Variants in PAFAH1B2 observed in about 807,000 individuals in gnomAD.
The protein encoded by PAFAH1B2 is platelet activating factor acetylhydrolase 1b catalytic subunit 2.
In PAFAH1B2, 8 loss-of-function variants were observed where a neutral mutation model predicts 28.0. The ratio of observed to expected loss-of-function variants is 0.29; its 90% CI spans 0.17 to 0.52. The LOEUF (loss-of-function observed/expected upper bound fraction) is 0.52, where lower values mean the gene tolerates loss of function less well. Ranked by LOEUF, PAFAH1B2 falls within the 20% of genes least tolerant of loss-of-function variation. PAFAH1B2 has a pLI of 0.97. For missense variants in PAFAH1B2, 190 were observed against 282.6 expected (o/e 0.67, Z 2.35); for synonymous variants, 104 against 103.2 (o/e 1.01, Z -0.05).
At chr11:117,159,596 A>T (rs746518184) in intron 2 of PAFAH1B2, 1 of 210,338 alleles carries the variant, frequency 4.8e-6, no homozygotes, top group South Asian at 1.3e-4. Flanking sequence ...TTAGCCAGGC[A>T]TGGTGGCATG....
rs1195104718 is a variant in PAFAH1B2 at position 117,169,386 on chromosome 11, TG to T, written c.*1690del. 214 of 1,051,614 alleles carry T rather than the reference TG, an allele frequency of 2.0e-4. No homozygotes were observed. Among genetic ancestry groups the T allele is most frequent in the Non-Finnish European group, 2.4e-4 (208 of 870,794 alleles). The allele number at this position is 1,051,614 out of a possible 1,614,324, so 65.1% of individuals were successfully genotyped here. A position where few individuals can be genotyped will look rare whatever the true frequency, so the allele number is the denominator to read the frequency against. On this transcript the variant is annotated 3_prime_UTR_variant, in exon 6 of 6. Coordinates refer to ENST00000527958, the MANE Select transcript of PAFAH1B2 (RefSeq NM_002572.4). ...TATAGATATTTTGAACTGGACCAGG[TG>T]GGTATTGAAGTAACCCATCAAAATA...
chr11:117,149,391 A>T (rs1470532399), intron 1 of PAFAH1B2, among the ~76,000 whole-genome samples: 1 of 140,178 alleles, frequency 7.1e-6, no homozygotes, highest in Non-Finnish European at 1.5e-5. Flanking sequence ...CTAAAATCTA[A>T]CTTTTTAAAG....
rs945213551 is a variant in PAFAH1B2, at chr11:117,170,272, A to C, written c.*2573A>C. The C allele has an allele frequency of 3.9e-5, 41 of 1,062,660 alleles. No individual in the cohort carries two copies. Among genetic ancestry groups the C allele is most frequent in the Non-Finnish European group, 4.6e-5 (40 of 877,950 alleles). 65.8% of individuals were successfully genotyped at this position (1,062,660 alleles called of 1,614,324 possible). A position where few individuals can be genotyped will look rare whatever the true frequency, so the allele number is the denominator to read the frequency against. On this transcript the variant is annotated 3_prime_UTR_variant, in exon 6 of 6. Coordinates refer to ENST00000527958, the MANE Select transcript of PAFAH1B2 (RefSeq NM_002572.4). ...TAGTTGTCATTGTGATTAAGGGGCC[A>C]ACTTTCCAGGCAGCTAGCAGAGATA...
At chr11:117,164,438 C>CTCAGTACTCCTTTTTTTG (rs1956452933) in intron 5 of PAFAH1B2, among the ~76,000 whole-genome samples, 1 of 151,860 alleles carries the variant, frequency 6.6e-6, no homozygotes, top group Non-Finnish European at 1.5e-5. Context: ...CGTTTGGTGC[C>CTCAGTACTCCTTTTTTTG]TCAGTACTCC....
chr11:117,155,684 GA>G (rs1340272923), intron 2 of PAFAH1B2, among the ~76,000 whole-genome samples: 2 of 151,900 alleles, frequency 1.3e-5, no homozygotes, highest in Admixed American at 6.6e-5. Context: ...TCCAGTGTAG[GA>G]AAAATTATAT....
intron 3 of PAFAH1B2, 70 bp downstream of exon 3, chr11:117,160,093 A>T (rs1956341288): frequency 9.4e-7 from 1 of 1,069,512 alleles, no homozygotes; most frequent in Admixed American, 1.7e-5. Flanking sequence ...ACAGACTTTC[A>T]TTCTGAGCTG....
rs1286815394 is a variant in PAFAH1B2 at position 117,144,403 on chromosome 11, C to T, written c.-23C>T. On this transcript the variant is annotated 5_prime_UTR_variant, in exon 1 of 6. The change creates a new upstream start codon in the 5' untranslated region. Coordinates refer to ENST00000527958, the MANE Select transcript of PAFAH1B2 (RefSeq NM_002572.4). ...ACGCCTCAGCCGCTTGGGGCCCGCA[C>T]GGACCCTCTACTTCAGTGAGTGCAT... 1.7e-5 allele frequency: 7 copies of T among 402,776 alleles called. No individual in the cohort carries two copies. The highest frequency in any genetic ancestry group is 2.6e-5 in the Admixed American group (1 of 38,292). The allele number at this position is 402,776 out of a possible 1,614,324, so 25.0% of individuals were successfully genotyped here. A position where few individuals can be genotyped will look rare whatever the true frequency, so the allele number is the denominator to read the frequency against.
chr11:117,161,207 A>G lies in PAFAH1B2; in HGVS notation c.234A>G (p.Thr78=). 1 of 1,597,430 alleles carries G rather than the reference A, an allele frequency of 6.3e-7. No homozygotes were observed. The highest frequency in any genetic ancestry group is 8.5e-7 in the Non-Finnish European group (1 of 1,176,324). ...ALNFGIGGDT[T]RHVLWRLKNG... ...ATTTTGGAATTGGGGGAGATACAAC[A>G]AGACATGTTTTGTGGAGACTAAAGA... Residue 78 remains threonine, a synonymous_variant, in exon 4 of 6, where the codon ACA becomes ACG. Coordinates refer to ENST00000527958, the MANE Select transcript of PAFAH1B2 (RefSeq NM_002572.4).
rs538814703 is a variant in PAFAH1B2, at chr11:117,165,834, A to AT, written c.412-1569dup. ...GGAGGCCACAACCAGGTCATGTAGG[A>AT]TTTTTTTTTTTTTTTTTTAATTTGA... On this transcript the variant is annotated intron_variant, in intron 5 of 5. Transcript: ENST00000527958. 8.1e-3 allele frequency among the ~76,000 whole-genome samples: 1,129 copies of AT among 139,964 alleles called. 9 individuals are homozygous for AT. The highest frequency in any genetic ancestry group is 0.023 in the African/African-American group (867 of 38,082). 91.8% of individuals were successfully genotyped at this position (139,964 alleles called of 152,430 possible).
rs200897891 is a variant in PAFAH1B2 at position 117,159,987 on chromosome 11, G to A, written c.135G>A (p.Val45=). The change falls in exon 3 of 6, where the codon GTG becomes GTA. Residue 45 remains valine (V), a synonymous_variant. Transcript: ENST00000527958. ...CKDKEPDVLF[V]GDSMVQLMQQ... ...ACAAAGAGCCTGATGTACTGTTCGT[G>A]GGAGACTCCATGGTGCAGTTAATGC... 5.3e-5 allele frequency: 85 copies of A among 1,613,834 alleles called. No individual in the cohort carries two copies. The East Asian group carries it at 1.6e-3, about 31-fold the overall frequency.
Position 117,168,721 on chromosome 11 carries a change from G to A in PAFAH1B2, c.*1022G>A, listed in dbSNP as rs1433799965. The A allele has an allele frequency of 2.9e-6, 3 of 1,052,214 alleles. No homozygotes were observed. Among genetic ancestry groups the A allele is most frequent in the Non-Finnish European group, 2.3e-6 (2 of 869,050 alleles). The allele number at this position is 1,052,214 out of a possible 1,614,324, so 65.2% of individuals were successfully genotyped here. On this transcript the variant is annotated 3_prime_UTR_variant, in exon 6 of 6. Coordinates refer to ENST00000527958, the MANE Select transcript of PAFAH1B2 (RefSeq NM_002572.4). ...CAGAACTCTTGTTTCCCATTCCATA[G>A]CACCTGACATTATTTCAAGTTTTAT...
chr11:117,178,039 A>G (rs947737512), downstream of PAFAH1B2, among the ~76,000 whole-genome samples: 1 of 152,282 alleles, frequency 6.6e-6, no homozygotes, highest in Non-Finnish European at 1.5e-5. Context: ...TGTGCTTCCT[A>G]TTTCCTTAGG....
At chr11:117,158,570 C>T (rs1037767671) in intron 2 of PAFAH1B2, among the ~76,000 whole-genome samples, 2 of 149,992 alleles carry the variant, frequency 1.3e-5, no homozygotes, top group Admixed American at 1.3e-4. Context: ...TTATTGAACT[C>T]TTGGAGCCAT....
intron 3 of PAFAH1B2, among the ~76,000 whole-genome samples, chr11:117,160,513 G>A (rs1050234193): frequency 2.0e-5 from 3 of 151,900 alleles, no homozygotes; most frequent in Admixed American, 6.6e-5. Flanking sequence ...AGACAGTCCC[G>A]CTCCATCGTC....
chr11:117,152,547 G>C lies in PAFAH1B2; in HGVS notation c.81+19G>C, dbSNP rs752928505. 1 of 1,535,692 alleles carries C rather than the reference G, an allele frequency of 6.5e-7. No individual in the cohort carries two copies. The highest frequency in any genetic ancestry group is 9.0e-7 in the Non-Finnish European group (1 of 1,108,486). Reference sequence around the variant, plus strand: ...GTCTCAGGTAAAAGGAAGTGCATGTGTATCATTCACATGAGTTGAGTCTCC... The same window carrying C: ...GTCTCAGGTAAAAGGAAGTGCATGTCTATCATTCACATGAGTTGAGTCTCC... On this transcript the variant is annotated intron_variant, in intron 2 of 5. Coordinates refer to ENST00000527958, the MANE Select transcript of PAFAH1B2 (RefSeq NM_002572.4).
intron 1 of PAFAH1B2, among the ~76,000 whole-genome samples, 152 bp downstream of exon 1, chr11:117,144,570 G>C (rs1402168717): frequency 8.0e-5 from 12 of 150,726 alleles, no homozygotes; most frequent in Non-Finnish European, 1.3e-4. Flanking sequence ...GGGGGGCCTC[G>C]CGAGCGCGCG....
chr11:117,171,933 A>G (rs1023513550), downstream of PAFAH1B2, among the ~76,000 whole-genome samples: 2 of 152,022 alleles, frequency 1.3e-5, no homozygotes, highest in African/African-American at 4.8e-5. Context: ...CCCCCTCCCC[A>G]GTATCTCATC....
intron 5 of PAFAH1B2, among the ~76,000 whole-genome samples, chr11:117,165,665 C>T (rs1023998915): frequency 2.0e-5 from 3 of 152,088 alleles, no homozygotes; most frequent in African/African-American, 7.2e-5. Context: ...CATTCAAAGA[C>T]TTCATTGGTT....
downstream of PAFAH1B2, chr11:117,171,616 C>A (rs867937817): frequency 9.3e-7 from 1 of 1,070,462 alleles, no homozygotes; most frequent in Middle Eastern, 2.0e-4. Flanking sequence ...ACCCTTACGT[C>A]CCCAGGGTAA....
Sources: gnomAD v4.1 joint callset for allele counts (sites outside exome capture counted in the v4.1 genomes callset) on GRCh38, gnomAD v4.1.1 for gene constraint, MANE v1.5 for transcripts, NCBI Gene and HGNC (gene_info 2026-07-23, HGNC 2026-07-21) for gene names.